PCDH15: variants seen among roughly 807,000 people sequenced by gnomAD.
PCDH15 encodes the protein protocadherin-15.
PCDH15 carries 129 observed loss-of-function variants against 178.5 expected under a neutral mutation model. The observed-to-expected ratio is 0.72, with a 90% CI of 0.63 to 0.84. The LOEUF is 0.84. Among genes scored for constraint, PCDH15 ranks in the 40% least tolerant of loss-of-function variants. PCDH15 has a pLI of 0.00. For synonymous variants in PCDH15, 800 were observed against 732.0 expected (o/e 1.09, Z -1.50); for missense variants, 2,230 against 2,099.9 (o/e 1.06, Z -1.21).
intron 1 of PCDH15, among the ~76,000 whole-genome samples, chr10:54,681,169 G>A (rs2094891895): frequency 1.3e-5 from 2 of 152,132 alleles, no homozygotes; most frequent in African/African-American, 4.8e-5. Flanking sequence ...GCCACTTACT[G>A]GAATGTGATC....
In PCDH15 at chr10:55,173,008, T is replaced by C. The variant is rs190067352; in HGVS notation, c.-155-6357A>G. Among the ~76,000 whole-genome samples, 38 of 152,162 alleles carry C rather than the reference T, an allele frequency of 2.5e-4. 1 individual carries two copies. The East Asian group carries it at 7.0e-3, about 28-fold the overall frequency. ...AGCTGAATCATATTGCAAAGATGAA[T>C]GGCTGCTTATTTTGATTCAGATTTT... On this transcript the variant is annotated intron_variant, in intron 1 of 5. Transcript: ENST00000458638.
intron 10 of PCDH15, among the ~76,000 whole-genome samples, chr10:54,207,949 G>A (rs2050994212): frequency 6.6e-6 from 1 of 151,854 alleles, no homozygotes; most frequent in Admixed American, 6.6e-5. Flanking sequence ...AGAGTCTCGT[G>A]GAATATAGTT....
chr10:55,292,380 T>A (rs1444422083), intron 1 of PCDH15, among the ~76,000 whole-genome samples: 1 of 152,112 alleles, frequency 6.6e-6, no homozygotes, highest in African/African-American at 2.4e-5. Context: ...TTATTTTATT[T>A]TATTTCATGT....
intron 3 of PCDH15, among the ~76,000 whole-genome samples, chr10:54,387,950 GGT>G (rs1950111598): frequency 6.6e-6 from 1 of 152,092 alleles, no homozygotes; most frequent in Non-Finnish European, 1.5e-5. Context: ...TGACAAAGTA[GGT>G]TGTTACCAAG....
At chr10:54,684,039 G>A (rs755504123) in intron 1 of PCDH15, among the ~76,000 whole-genome samples, 2 of 151,762 alleles carry the variant, frequency 1.3e-5, no homozygotes, top group African/African-American at 4.8e-5. Context: ...GATTGCTTAG[G>A]GAAATTATAC....
intron 25 of PCDH15, among the ~76,000 whole-genome samples, chr10:53,915,647 C>T (rs953011379): frequency 2.6e-5 from 4 of 152,098 alleles, no homozygotes; most frequent in African/African-American, 7.2e-5. Flanking sequence ...GTAACCTCCA[C>T]CTCCCGAGTT....
intron 8 of PCDH15, among the ~76,000 whole-genome samples, chr10:54,292,281 C>A (rs150839703): frequency 6.6e-6 from 1 of 152,240 alleles, no homozygotes; most frequent in African/African-American, 2.4e-5. Context: ...GCCCTTCATG[C>A]TAAAAACTCT....
chr10:55,252,620 A>G (rs1368161898), intron 1 of PCDH15, among the ~76,000 whole-genome samples: 1 of 152,062 alleles, frequency 6.6e-6, no homozygotes, highest in Non-Finnish European at 1.5e-5. Flanking sequence ...TAGCTGAGAA[A>G]ACTCACGTTG....
chr10:54,772,627 G>A (rs1486123975), intron 1 of PCDH15, among the ~76,000 whole-genome samples: 1 of 152,142 alleles, frequency 6.6e-6, no homozygotes, highest in Non-Finnish European at 1.5e-5. Flanking sequence ...AGATGCTGGT[G>A]AGGTTGTGGA....
chr10:54,117,865 G>A (rs755946151), intron 15 of PCDH15, among the ~76,000 whole-genome samples: 2 of 152,076 alleles, frequency 1.3e-5, no homozygotes, highest in African/African-American at 2.4e-5. Flanking sequence ...CTGAGTCTGG[G>A]GGTTTTAATG....
rs550266200 is a variant in PCDH15, at chr10:54,643,144, C to T, written c.91+21028G>A. ...TTCACCATGTTGGCCAGGCTGGTCT[C>T]AAACTCCTGACCTCAGGTAATCTGC... On this transcript the variant is annotated intron_variant, in intron 2 of 37. Coordinates refer to ENST00000644397, the MANE Select transcript of PCDH15 (RefSeq NM_001384140.1). Among the ~76,000 whole-genome samples the T allele has an allele frequency of 2.6e-5, 4 of 152,250 alleles. No homozygotes were observed. The East Asian group carries it at 7.7e-4, about 29-fold the overall frequency.
intron 8 of PCDH15, among the ~76,000 whole-genome samples, chr10:54,254,255 A>G (rs2056731818): frequency 6.6e-6 from 1 of 152,138 alleles, no homozygotes; most frequent in African/African-American, 2.4e-5. Context: ...ATTTGTAGAG[A>G]TGATGCAAGT....
intron 6 of PCDH15, among the ~76,000 whole-genome samples, chr10:54,339,435 C>T (rs756196468): frequency 1.3e-5 from 2 of 151,948 alleles, no homozygotes; most frequent in African/African-American, 4.8e-5. Context: ...AATTAAATGC[C>T]CCTAATTAAA....
At chr10:54,118,045 C>A (rs1004409743) in intron 15 of PCDH15, among the ~76,000 whole-genome samples, 4 of 152,106 alleles carry the variant, frequency 2.6e-5, no homozygotes, top group African/African-American at 7.2e-5. Context: ...AAATACTATT[C>A]CAAACTTAAG....
At chr10:53,882,941 C>A (rs2080833697) in intron 26 of PCDH15, among the ~76,000 whole-genome samples, 1 of 152,028 alleles carries the variant, frequency 6.6e-6, no homozygotes, top group Non-Finnish European at 1.5e-5. Context: ...CCATTAAATG[C>A]AAATGGACCA....
At chr10:54,973,573 G>A (rs147479403) in intron 2 of PCDH15, among the ~76,000 whole-genome samples, 1 of 152,198 alleles carries the variant, frequency 6.6e-6, no homozygotes, top group Admixed American at 6.5e-5. Flanking sequence ...TTCAGAATTG[G>A]CTCAATACTA....
intron 25 of PCDH15, among the ~76,000 whole-genome samples, chr10:53,935,203 C>T (rs1046179853): frequency 6.6e-6 from 1 of 151,976 alleles, no homozygotes; most frequent in Non-Finnish European, 1.5e-5. Flanking sequence ...TCAAGTTATC[C>T]AGTCAAATTG....
intron 1 of PCDH15, among the ~76,000 whole-genome samples, chr10:54,671,665 A>G (rs562231000): frequency 1.3e-5 from 2 of 152,326 alleles, no homozygotes; most frequent in Admixed American, 6.5e-5. Flanking sequence ...ATAAGTGTTT[A>G]CTGAGCACTG....
chr10:55,606,319 G>A (rs1843215141), intron 2 of PCDH15, among the ~76,000 whole-genome samples: 1 of 126,114 alleles, frequency 7.9e-6, no homozygotes, highest in South Asian at 3.0e-4. Context: ...TGGCCATACT[G>A]CCCAAGGTAA....
Sources: allele counts gnomAD v4.1 joint callset (sites outside exome capture counted in the v4.1 genomes callset), GRCh38; gene constraint gnomAD v4.1.1; transcripts MANE v1.5; gene names NCBI Gene and HGNC (gene_info 2026-07-23, HGNC 2026-07-21).